Variants in STK32A observed in about 807,000 individuals in gnomAD.
The protein encoded by STK32A is serine/threonine kinase 32A.
A neutral mutation model predicts 53.2 loss-of-function variants in STK32A; 41 were observed. The ratio of observed to expected loss-of-function variants is 0.77; its 90% CI spans 0.60 to 1.00. The LOEUF (loss-of-function observed/expected upper bound fraction) is 1.00, where lower values mean the gene tolerates loss of function less well. STK32A is among the 50% of genes least tolerant of loss of function. The pLI, the probability that STK32A is intolerant of heterozygous loss-of-function variation, is 0.00. For synonymous variants in STK32A, 166 were observed against 162.8 expected (o/e 1.02, Z -0.15); for missense variants, 458 against 485.8 (o/e 0.94, Z 0.54).
the STK32A span, among the ~76,000 whole-genome samples, chr5:147,396,525 C>A: frequency 6.6e-6 from 1 of 152,310 alleles, no homozygotes; most frequent in South Asian, 2.1e-4. Context: ...CCTGACCGTG[C>A]AGGATGGATC....
At chr5:147,317,400 T>G (rs1374251060) in intron 4 of STK32A, among the ~76,000 whole-genome samples, 1 of 128,840 alleles carries the variant, frequency 7.8e-6, no homozygotes, top group Non-Finnish European at 1.6e-5. Context: ...TGATCTCGGC[T>G]CACTGCAACC....
chr5:147,269,749 C>T (rs1216637681), intron 2 of STK32A, among the ~76,000 whole-genome samples: 1 of 152,094 alleles, frequency 6.6e-6, no homozygotes, highest in African/African-American at 2.4e-5. Flanking sequence ...ATATAGTGCA[C>T]TGGAATTTAA....
rs530904604 is a variant in STK32A at position 147,379,342 on chromosome 5, C to T, written c.1033-4099C>T. Among the ~76,000 whole-genome samples, 8 of 152,038 alleles carry T rather than the reference C, an allele frequency of 5.3e-5. No individual in the cohort carries two copies. The South Asian group carries it at 1.7e-3, about 32-fold the overall frequency. Reference sequence around the variant, plus strand: ...TATGTGTGCAACCATGATTGAGATACACTGTTATAGAATCTAGGATGTGAT... The same window carrying T: ...TATGTGTGCAACCATGATTGAGATATACTGTTATAGAATCTAGGATGTGAT... On this transcript the variant is annotated intron_variant, in intron 11 of 12. Coordinates refer to ENST00000397936, the MANE Select transcript of STK32A (RefSeq NM_001112724.2).
chr5:147,392,415 C>T (rs1049171), downstream of STK32A: 48,754 of 152,054 alleles, frequency 0.32, 9,311 homozygotes, highest in East Asian at 0.75. Flanking sequence ...CAGTCAGAGA[C>T]AATGGTTTCT....
intron 7 of STK32A, among the ~76,000 whole-genome samples, chr5:147,357,668 G>C (rs1481599431): frequency 6.6e-6 from 1 of 151,876 alleles, no homozygotes; most frequent in Non-Finnish European, 1.5e-5. Flanking sequence ...GCTTTTCTTA[G>C]CAAGACCTTC....
chr5:147,389,950 C>T (rs574554361), downstream of STK32A, among the ~76,000 whole-genome samples: 32 of 152,312 alleles, frequency 2.1e-4, no homozygotes, highest in African/African-American at 5.8e-4. Flanking sequence ...AAAGAAGCAA[C>T]GCTCTGATGT....
chr5:147,268,498 C>G (rs1204617026), intron 2 of STK32A, among the ~76,000 whole-genome samples: 1 of 152,114 alleles, frequency 6.6e-6, no homozygotes, highest in South Asian at 2.1e-4. Context: ...ATTGGGGATG[C>G]CTGCAGAGTA....
rs952648755 is a variant in STK32A, at chr5:147,386,348, A to G, written c.*2365A>G. 2 of 152,140 alleles carry G rather than the reference A, an allele frequency of 1.3e-5. No homozygotes were observed. Among genetic ancestry groups the G allele is most frequent in the Non-Finnish European group, 2.9e-5 (2 of 68,016 alleles). 9.4% of individuals were successfully genotyped at this position (152,140 alleles called of 1,614,324 possible). On this transcript the variant is annotated 3_prime_UTR_variant, in exon 13 of 13. Transcript: ENST00000397936. ...AGGGACTACTTGCATGTTTACTTCT[A>G]TCCTTCATTTGTTTTGATTCAAGCC...
intron 2 of STK32A, among the ~76,000 whole-genome samples, chr5:147,275,935 A>G (rs1755239791): frequency 6.6e-6 from 1 of 152,364 alleles, no homozygotes; most frequent in South Asian, 2.1e-4. Context: ...ATTAATATCA[A>G]CATGGAACTT....
chr5:147,335,917 T>C (rs536720437), intron 5 of STK32A, among the ~76,000 whole-genome samples: 1 of 152,214 alleles, frequency 6.6e-6, no homozygotes, highest in Non-Finnish European at 1.5e-5. Flanking sequence ...GAATGAAGAA[T>C]GCGTATTAGA....
intron 2 of STK32A, among the ~76,000 whole-genome samples, chr5:147,275,387 G>T (rs1434576101): frequency 6.6e-6 from 1 of 151,910 alleles, no homozygotes; most frequent in East Asian, 1.9e-4. Context: ...GTGTGCAGTG[G>T]TGCAATCACA....
intron 5 of STK32A, among the ~76,000 whole-genome samples, chr5:147,328,895 G>T (rs747942335): frequency 6.6e-6 from 1 of 152,136 alleles, no homozygotes; most frequent in African/African-American, 2.4e-5. Context: ...GAGATGGATT[G>T]TATGGGACAA....
intron 4 of STK32A, among the ~76,000 whole-genome samples, chr5:147,298,247 C>G (rs976487975): frequency 2.0e-5 from 3 of 152,144 alleles, no homozygotes; most frequent in Non-Finnish European, 4.4e-5. Flanking sequence ...AGAAAACCTC[C>G]AAAATCTTAT....
chr5:147,348,294 G>A (rs148129326), intron 6 of STK32A, among the ~76,000 whole-genome samples: 4 of 152,156 alleles, frequency 2.6e-5, no homozygotes, highest in Admixed American at 6.5e-5. Flanking sequence ...TTCAACTGAC[G>A]TGTAATGAGT....
intron 5 of STK32A, chr5:147,342,781 C>T (rs1755493404): frequency 1.9e-6 from 1 of 517,630 alleles, no homozygotes. Flanking sequence ...CCCATTTCTT[C>T]CATTTACTAG....
chr5:147,375,298 G>T, intron 11 of STK32A, 80 bp downstream of exon 11: 1 of 1,514,028 alleles, frequency 6.6e-7, no homozygotes. Context: ...CTACTGGGAG[G>T]TCATTTCAGC....
intron 1 of STK32A, among the ~76,000 whole-genome samples, chr5:147,236,068 T>C (rs1181345942): frequency 2.0e-5 from 3 of 152,192 alleles, no homozygotes; most frequent in Admixed American, 1.3e-4. Flanking sequence ...AAATGTTTAA[T>C]CAAAAGTTGC....
chr5:147,348,472 A>G (rs1310463850), intron 6 of STK32A, among the ~76,000 whole-genome samples: 1 of 152,194 alleles, frequency 6.6e-6, no homozygotes, highest in Non-Finnish European at 1.5e-5. Flanking sequence ...GGGCGTAAGA[A>G]TCTGCATATC....
At chr5:147,397,760 T>C in the STK32A span, 1 of 1,614,138 alleles carries the variant, frequency 6.2e-7, no homozygotes, top group South Asian at 1.1e-5. Flanking sequence ...CAGGTTGCCA[T>C]CTTCCAGCAT....
Sources: gnomAD v4.1 joint callset for allele counts (sites outside exome capture counted in the v4.1 genomes callset) on GRCh38, gnomAD v4.1.1 for gene constraint, MANE v1.5 for transcripts, NCBI Gene and HGNC (gene_info 2026-07-23, HGNC 2026-07-21) for gene names.